DENND2B: variants seen among roughly 807,000 people sequenced by gnomAD.
The protein encoded by DENND2B is DENN domain-containing protein 2B.
In DENND2B, 32 loss-of-function variants were observed where a neutral mutation model predicts 116.0. The observed-to-expected ratio is 0.28, with a 90% CI of 0.21 to 0.37. The LOEUF (loss-of-function observed/expected upper bound fraction) is 0.37. Ranked by LOEUF, DENND2B falls within the 10% of genes least tolerant of loss-of-function variation. The probability of loss-of-function intolerance (pLI) is 1.00; values close to 1 mark genes in which losing one functional copy is unlikely to be tolerated. For missense variants in DENND2B, 1,276 were observed against 1,477.7 expected, an observed-to-expected ratio of 0.86 and a Z score of 2.24; for synonymous variants, 588 against 583.9, an observed-to-expected ratio of 1.01 and a Z score of -0.10.
chr11:8,903,782 G>A (rs577005629), intron 1 of DENND2B, among the ~76,000 whole-genome samples: 1 of 151,212 alleles, frequency 6.6e-6, no homozygotes, highest in Admixed American at 6.6e-5. Context: ...CCAGCTACTC[G>A]AGTGGCTAAG....
At chr11:8,725,621 G>C (rs1326132062) in intron 4 of DENND2B, among the ~76,000 whole-genome samples, 1 of 152,122 alleles carries the variant, frequency 6.6e-6, no homozygotes, top group Non-Finnish European at 1.5e-5. Flanking sequence ...GCCTCCCAAA[G>C]TGCTGGAATT....
At chr11:8,893,526 A>G (rs2064059833) in intron 1 of DENND2B, among the ~76,000 whole-genome samples, 1 of 152,226 alleles carries the variant, frequency 6.6e-6, no homozygotes, top group South Asian at 2.1e-4. Context: ...AATCTCCTTA[A>G]GCTGATAAGC....
intron 6 of DENND2B, 62 bp downstream of exon 6, chr11:8,715,541 A>G: frequency 3.2e-6 from 5 of 1,546,834 alleles, no homozygotes; most frequent in Non-Finnish European, 4.4e-6. Flanking sequence ...AAAGAGAGAG[A>G]AAGGCTGGCT....
intron 4 of DENND2B, among the ~76,000 whole-genome samples, chr11:8,826,910 C>T (rs2061999829): frequency 6.6e-6 from 1 of 152,102 alleles, no homozygotes; most frequent in African/African-American, 2.4e-5. Flanking sequence ...AATTAGACCC[C>T]ACGATTCAAG....
At chr11:8,902,067 C>T (rs2134761244) in intron 1 of DENND2B, among the ~76,000 whole-genome samples, 2 of 152,230 alleles carry the variant, frequency 1.3e-5, no homozygotes, top group South Asian at 2.1e-4. Flanking sequence ...GTGGCTCATG[C>T]CTGTAATCCC....
chr11:8,865,458 A>G (rs985339227), intron 2 of DENND2B, among the ~76,000 whole-genome samples: 1 of 152,168 alleles, frequency 6.6e-6, no homozygotes, highest in African/African-American at 2.4e-5. Context: ...GTATAATCAT[A>G]GGTCTAAAAA....
At position 8,718,306 on chromosome 11, in the gene DENND2B, G is replaced by A. The variant is rs2045439204; in HGVS notation, c.1478-414C>T. 4.8e-6 allele frequency: 7 copies of A among 1,471,760 alleles called. No individual in the cohort carries two copies. In the East Asian group the frequency reaches 1.7e-4, roughly 36 times the overall value. The allele number at this position is 1,471,760 out of a possible 1,614,324, so 91.2% of individuals were successfully genotyped here. ...AGTTCAAGGTAGGAAGGGTTTTCAG[G>A]TCACATGGCTGTCCCTTCACCCAAC... On this transcript the variant is annotated intron_variant, in intron 4 of 19. Transcript: ENST00000313726.
chr11:8,810,712 G>A (rs1316497963), upstream of DENND2B: 3 of 152,298 alleles, frequency 2.0e-5, no homozygotes, highest in Admixed American at 2.0e-4. Flanking sequence ...GGTTGTCATG[G>A]AGACCCTGTC....
intron 1 of DENND2B, among the ~76,000 whole-genome samples, chr11:8,800,593 C>G (rs1447781923): frequency 2.6e-5 from 4 of 152,184 alleles, no homozygotes; most frequent in African/African-American, 4.8e-5. Flanking sequence ...ATTTGTGAAG[C>G]CTCTACTCTT....
chr11:8,738,900 C>A (rs780218667), intron 2 of DENND2B, among the ~76,000 whole-genome samples: 4 of 152,172 alleles, frequency 2.6e-5, no homozygotes, highest in Non-Finnish European at 4.4e-5. Context: ...CACACCCTAC[C>A]CCCTTTCAGG....
Position 8,854,016 on chromosome 11 carries a change from A to ATTTTTTTTTTTTTTTTTTTTTTTTTTTT in DENND2B, c.-156+3299_-156+3326dup, listed in dbSNP as rs71059187. ...GGTGAATGCCACCATGCCCCAGTTAATTTTTTTTTTTTTTTTTTTTTTTTT... is the reference window on the plus strand; with the variant it reads ...GGTGAATGCCACCATGCCCCAGTTAATTTTTTTTTTTTTTTTTTTTTTTTTTTTTTTTTTTTTTTTTTTTTTTTTTTTT... On this transcript the variant is annotated intron_variant, in intron 3 of 6. Coordinates refer to the DENND2B transcript ENST00000524757. Among the ~76,000 whole-genome samples, 4 of 62,756 alleles carry ATTTTTTTTTTTTTTTTTTTTTTTTTTTT rather than the reference A, an allele frequency of 6.4e-5. 1 individual carries two copies. The highest frequency in any genetic ancestry group is 2.5e-4 in the African/African-American group (4 of 16,052). The allele number at this position is 62,756 out of a possible 152,430, so 41.2% of individuals were successfully genotyped here.
intron 1 of DENND2B, among the ~76,000 whole-genome samples, chr11:8,905,427 T>C (rs1431292873): frequency 6.6e-6 from 1 of 151,992 alleles, no homozygotes; most frequent in Non-Finnish European, 1.5e-5. Context: ...AAAACTAAAA[T>C]ATACAACTAT....
In DENND2B at chr11:8,710,891, G is replaced by A. The variant is rs1187314919; in HGVS notation, c.2306C>T (p.Thr769Ile). ...YSSETFSFML[T>I]GEDGSRRFGY... ...AAAGCGTCTGCTGCCATCTTCCCCA[G>A]TCAGCATGAAAGAAAAGGTCTCACT... Residue 769 changes from threonine to isoleucine, a missense_variant, in exon 11 of 20, where the codon ACT (threonine) becomes ATT (isoleucine). This residue lies in a region of DENND2B where 420 missense variants were observed against 631.1 expected (regional missense o/e 0.67). Coordinates refer to ENST00000313726, the MANE Select transcript of DENND2B (RefSeq NM_213618.2). The A allele has an allele frequency of 1.9e-6, 3 of 1,613,930 alleles. No homozygotes were observed. In the African/African-American group the frequency reaches 4.0e-5, roughly 22 times the overall value.
Position 8,707,387 on chromosome 11 carries a change from T to C in DENND2B, c.2431-162A>G. 1 of 939,040 alleles carries C rather than the reference T, an allele frequency of 1.1e-6. No homozygotes were observed. Among genetic ancestry groups the C allele is most frequent in the Non-Finnish European group, 1.5e-6 (1 of 652,246 alleles). 58.2% of individuals were successfully genotyped at this position (939,040 alleles called of 1,614,324 possible). On this transcript the variant is annotated intron_variant, in intron 12 of 19. Coordinates refer to ENST00000313726, the MANE Select transcript of DENND2B (RefSeq NM_213618.2). The surrounding 1 kb of genome is among the most constrained non-coding windows in gnomAD (Gnocchi z 4.8). ...ATCTGCACACTCTACCCTTCCCGTTTTCCTTGGCACTCAGTGACTCCTCTG... is the reference window on the plus strand; with the variant it reads ...ATCTGCACACTCTACCCTTCCCGTTCTCCTTGGCACTCAGTGACTCCTCTG...
Position 8,754,024 on chromosome 11 carries a change from A to AGCGTGC in DENND2B, c.-25-3300_-25-3299insGCACGC, listed in dbSNP as rs1555169704. On this transcript the variant is annotated intron_variant, in intron 1 of 19. Transcript: ENST00000313726. ...ATGGTTTCTTAGATATAACACCAAA[A>AGCGTGC]GCGCGCACACACACACACACACACA... Among the ~76,000 whole-genome samples, 210 of 142,864 alleles carry AGCGTGC rather than the reference A, an allele frequency of 1.5e-3. 2 individuals carry two copies. Among genetic ancestry groups the AGCGTGC allele is most frequent in the Middle Eastern group, 3.5e-3 (1 of 284 alleles). 93.7% of individuals were successfully genotyped at this position (142,864 alleles called of 152,430 possible). A position where few individuals can be genotyped will look rare whatever the true frequency, so the allele number is the denominator to read the frequency against.
intron 4 of DENND2B, among the ~76,000 whole-genome samples, chr11:8,833,079 G>T (rs949374150): frequency 6.6e-6 from 1 of 152,376 alleles, no homozygotes; most frequent in East Asian, 1.9e-4. Flanking sequence ...CAAACCGGAG[G>T]GGAAGCCCAA....
At chr11:8,710,753 GCACACACACACACACA>G (rs56230708) in intron 11 of DENND2B, 76 bp downstream of exon 11, 248 of 831,698 alleles carry the variant, frequency 3.0e-4, no homozygotes, top group Admixed American at 4.9e-4. Context: ...TTGCAGAAGG[GCACACACACACACACA>G]CACACACACA....
In DENND2B at chr11:8,702,619, G is replaced by A; in HGVS notation, c.2673C>T (p.Ala891=). 1.2e-6 allele frequency: 2 copies of A among 1,613,836 alleles called. No homozygotes were observed. The highest frequency in any genetic ancestry group is 1.1e-5 in the South Asian group (1 of 91,086). Residue 891 remains alanine, a synonymous_variant, in exon 14 of 20, where the codon GCC becomes GCT. Transcript: ENST00000313726. The surrounding 1 kb of genome is among the most constrained non-coding windows in gnomAD (Gnocchi z 4.6). ...LSVRQLIRIF[A]SLLLERRVIF... is the part of the protein sequence containing the mutation. ...TGACCCGGCGCTCCAGCAGCAGTGA[G>A]GCAAAGATTCGGATGAGCTGGCGCA... is the stretch of plus-strand genomic sequence containing the variant.
chr11:8,761,558 C>T lies in DENND2B; in HGVS notation c.-25-10833G>A, dbSNP rs143280539. 2.0e-3 allele frequency among the ~76,000 whole-genome samples: 304 copies of T among 152,298 alleles called. 3 individuals are homozygous for T. Among genetic ancestry groups the T allele is most frequent in the African/African-American group, 7.0e-3 (291 of 41,568 alleles). ...CTGCACATGCCAGGAATGTTCATGC[C>T]GCCAAGCTTTTGTTCAACCAATTCC... On this transcript the variant is annotated intron_variant, in intron 1 of 19. Coordinates refer to ENST00000313726, the MANE Select transcript of DENND2B (RefSeq NM_213618.2).
Sources: gnomAD v4.1 joint callset for allele counts (sites outside exome capture counted in the v4.1 genomes callset) on GRCh38, gnomAD v4.1.1 for gene constraint, gnomAD v4.1.1 regional missense constraint, Gnocchi (gnomAD v3.1) non-coding constraint, MANE v1.5 for transcripts, NCBI Gene and HGNC (gene_info 2026-07-23, HGNC 2026-07-21) for gene names.